TTN: variants seen among roughly 807,000 people sequenced by gnomAD.
TTN encodes titin.
A neutral mutation model predicts 3,223.0 loss-of-function variants in TTN; 1,525 were observed. The ratio of observed to expected loss-of-function variants is 0.47; its 90% CI spans 0.45 to 0.49. TTN has a LOEUF of 0.49. Ranked by LOEUF, TTN falls within the 20% of genes least tolerant of loss-of-function variation. The pLI is 0.00. For missense variants in TTN, 40,786 were observed against 43,424.0 expected, an observed-to-expected ratio of 0.94 and a Z score of 5.40; for synonymous variants, 14,094 against 15,161.0, an observed-to-expected ratio of 0.93 and a Z score of 5.17.
rs773886758 is a variant in TTN at position 178,573,226 on chromosome 2, A to T, written c.72906T>A (p.Ala24302=). 117 of 1,606,810 alleles carry T rather than the reference A, an allele frequency of 7.3e-5. 2 individuals are homozygous for T. In the Admixed American group the frequency reaches 1.9e-3, roughly 27 times the overall value. The stretch of plus-strand genomic sequence containing the variant: ...TAGGACTTGGTGCACTAATTCCAGC[A>T]GCATTTTCAGCCATAATCCTGAACT... ...EYEFRIMAEN[A]AGISAPSPTS... Residue 24302 remains alanine (A), a synonymous_variant, in exon 326 of 363, where the codon GCT becomes GCA. Coordinates refer to ENST00000589042, the MANE Select transcript of TTN (RefSeq NM_001267550.2).
chr2:178,707,076 T>G, intron 100 of TTN, 122 bp from the exon 101 acceptor site: 1 of 807,458 alleles, frequency 1.2e-6, no homozygotes, highest in Non-Finnish European at 1.9e-6. Flanking sequence ...AGAATTCTCT[T>G]TCTATGTAAG....
Position 178,713,104 on chromosome 2 carries a change from A to T in TTN, c.27030T>A (p.Ser9010Arg), listed in dbSNP as rs774115714. Residue 9010 changes from serine (S) to arginine (R), a missense_variant, in exon 93 of 363, where the codon AGT becomes AGA. Physicochemically the swap from Ser to Arg is moderately radical, Grantham distance 110. Transcript: ENST00000589042. ...ACTGACCTCTCACAGTCAAAGGAGC[A>T]CTACATTCATCAGAACCAGCCATAT... ...ATNMAGSDEC[S>R]APLTVREPPS... 2.5e-6 allele frequency: 4 copies of T among 1,613,584 alleles called. No homozygotes were observed. The highest frequency in any genetic ancestry group is 3.4e-6 in the Non-Finnish European group (4 of 1,179,612).
chr2:178,536,729 T>A (rs1276998511), intron 356 of TTN, 154 bp from the exon 357 acceptor site: 1 of 824,362 alleles, frequency 1.2e-6, no homozygotes, highest in Non-Finnish European at 1.8e-6. Context: ...CTAAGACATA[T>A]CAAAAACCAA....
Position 178,582,128 on chromosome 2 carries a change from C to T in TTN, c.66241G>A (p.Asp22081Asn). ...HMTVSWKPPA[D>N]DGGSPITGYL... Reference sequence around the variant, plus strand: ...CCAGTGATGGGTGAGCCCCCATCATCTGCTGGTGGCTTCCAGCTGACTGTC... The same window carrying T: ...CCAGTGATGGGTGAGCCCCCATCATTTGCTGGTGGCTTCCAGCTGACTGTC... Residue 22081 changes from aspartate to asparagine, a missense_variant, in exon 315 of 363, where the codon GAT becomes AAT. Transcript: ENST00000589042. 1 of 1,612,818 alleles carries T rather than the reference C, an allele frequency of 6.2e-7. No homozygotes were observed. Among genetic ancestry groups the T allele is most frequent in the Non-Finnish European group, 8.5e-7 (1 of 1,179,526 alleles).
intron 102 of TTN, among the ~76,000 whole-genome samples, chr2:178,705,773 GT>G (rs2075768380): frequency 6.6e-6 from 1 of 152,126 alleles, no homozygotes; most frequent in Admixed American, 6.6e-5. Flanking sequence ...TAATAATTAT[GT>G]TGAAAAATGA....
Position 178,633,723 on chromosome 2 carries a change from G to T in TTN, c.42683-47C>A, listed in dbSNP as rs762093231. 6.2e-5 allele frequency: 99 copies of T among 1,605,874 alleles called. 3 individuals carry two copies. The South Asian group carries it at 1.1e-3, about 17-fold the overall frequency. ...AAATTAGAAGAATGTGAAAATTAAAGTTTATTAAAGAGTAAAAGGTTGCAA... is the reference window on the plus strand; with the variant it reads ...AAATTAGAAGAATGTGAAAATTAAATTTTATTAAAGAGTAAAAGGTTGCAA... On this transcript the variant is annotated intron_variant, in intron 231 of 362. Coordinates refer to ENST00000589042, the MANE Select transcript of TTN (RefSeq NM_001267550.2).
intron 361 of TTN, 57 bp downstream of exon 361, chr2:178,528,217 A>AAAAAAACGATCT (rs1687358066): frequency 1.3e-6 from 2 of 1,542,102 alleles, no homozygotes; most frequent in African/African-American, 2.8e-5. Flanking sequence ...AAAGAGAGGC[A>AAAAAAACGATCT]AAAAAACGAT....
chr2:178,669,709 A>G (rs2066630929), intron 157 of TTN, 34 bp from the exon 158 acceptor site: 5 of 1,600,884 alleles, frequency 3.1e-6, no homozygotes, highest in African/African-American at 1.3e-5. Flanking sequence ...ATTTTTTCAG[A>G]ACATTATAGT....
rs1192471071 is a variant in TTN, at chr2:178,713,282, C to T, written c.26852G>A (p.Gly8951Glu). Residue 8951 changes from glycine to glutamate, a missense_variant, in exon 93 of 363, where the codon GGG (glycine) becomes GAG (glutamate). By Grantham distance (98) the Gly-to-Glu change is moderately conservative. Transcript: ENST00000589042. Reference protein sequence around the residue: ...SSVVMECKVYGSPPISVSWFH... With the variant: ...SSVVMECKVYESPPISVSWFH... ...CCAGGAGACAGAGATTGGAGGTGAC[C>T]CATAGACTTTACACTCCATTACAAC... 3.1e-6 allele frequency: 5 copies of T among 1,607,784 alleles called. No homozygotes were observed. The South Asian group carries it at 5.6e-5, about 18-fold the overall frequency.
At chr2:178,529,882 T>C (rs1688286555) in intron 359 of TTN, 78 bp downstream of exon 359, 2 of 1,436,652 alleles carry the variant, frequency 1.4e-6, no homozygotes, top group South Asian at 1.3e-5. Flanking sequence ...TGTATGTGTA[T>C]ATAAGGGGGG....
At position 178,724,032 on chromosome 2, in the gene TTN, G is replaced by A. The variant is rs374625641; in HGVS notation, c.21227C>T (p.Ala7076Val). The change falls in exon 73 of 363, where the codon GCC (alanine) becomes GTC (valine). Residue 7076 changes from alanine (A) to valine (V), a missense_variant. Coordinates refer to ENST00000589042, the MANE Select transcript of TTN (RefSeq NM_001267550.2). ...AATCTTGGTTTTCTCATGAAACCAG[G>A]CAACTGAAATAGGTGATGATCCAGC... is the stretch of plus-strand genomic sequence containing the variant. ...KVAGSSPISV[A>V]WFHEKTKIVS... 2.0e-5 allele frequency: 33 copies of A among 1,613,544 alleles called. No homozygotes were observed. Among genetic ancestry groups the A allele is most frequent in the Non-Finnish European group, 2.5e-5 (30 of 1,179,636 alleles).
At position 178,573,896 on chromosome 2, in the gene TTN, T is replaced by C. The variant is rs775482499; in HGVS notation, c.72236A>G (p.Lys24079Arg). The C allele has an allele frequency of 1.6e-5, 25 of 1,611,308 alleles. No individual in the cohort carries two copies. In the South Asian group the frequency reaches 2.7e-4, roughly 18 times the overall value. Reference protein sequence around the residue: ...ELEGTAKLEIKIADFSTNLVN... With the variant: ...ELEGTAKLEIRIADFSTNLVN... ...CAGATTAGTAGAGAAATCTGCAATT[T>C]TTATTTCTAACTTTGCTGTGCCTTC... The change falls in exon 326 of 363, where the codon AAA becomes AGA. Residue 24079 changes from lysine to arginine, a missense_variant. Lys to Arg is a conservative substitution (Grantham distance 26). Coordinates refer to ENST00000589042, the MANE Select transcript of TTN (RefSeq NM_001267550.2).
intron 235 of TTN, 24 bp downstream of exon 235, chr2:178,632,502 G>A: frequency 6.2e-7 from 1 of 1,607,136 alleles, no homozygotes; most frequent in Non-Finnish European, 8.5e-7. Context: ...ATTTTGGGGT[G>A]GACTATTTGA....
chr2:178,562,172 T>C lies in TTN; in HGVS notation c.83960A>G (p.Lys27987Arg). The change falls in exon 326 of 363, where the codon AAA becomes AGA. Residue 27987 changes from lysine (K) to arginine (R), a missense_variant. Transcript: ENST00000589042. ...REQLKIDVPF[K>R]GRPQATVNWR... ...GTTCACAGTAGCTTGAGGTCTTCCT[T>C]TGAATGGCACATCAATCTTAAGTTG... The C allele has an allele frequency of 6.2e-7, 1 of 1,613,166 alleles. No homozygotes were observed.
At chr2:178,757,231 T>TACTGTACTTACTTTAAGTA (rs1252574568) in intron 45 of TTN, among the ~76,000 whole-genome samples, 231 of 148,850 alleles carry the variant, frequency 1.6e-3, no homozygotes, top group Admixed American at 3.5e-3. Flanking sequence ...TAAGTAATAA[T>TACTGTACTTACTTTAAGTA]CAGCAAATAG....
rs753099769 is a variant in TTN, at chr2:178,634,511, A to G, written c.42270T>C (p.Asp14090=). ...CAAATTTGTCAGATGACTTAATTATATCAGGTCCTTTGGACCATATAACAT... is the reference window on the plus strand; with the variant it reads ...CAAATTTGTCAGATGACTTAATTATGTCAGGTCCTTTGGACCATATAACAT... ...EANVIWSKGP[D]IIKSSDKFDI... Residue 14090 remains aspartate (D), a synonymous_variant, in exon 230 of 363, where the codon GAT becomes GAC. Transcript: ENST00000589042. The surrounding 1 kb of genome is among the most constrained non-coding windows in gnomAD (Gnocchi z 4.6). 6.2e-6 allele frequency: 10 copies of G among 1,613,316 alleles called. No homozygotes were observed. In the South Asian group the frequency reaches 9.9e-5, roughly 16 times the overall value.
intron 223 of TTN, among the ~76,000 whole-genome samples, chr2:178,637,731 A>G (rs564353397): frequency 1.3e-5 from 2 of 152,142 alleles, no homozygotes; most frequent in South Asian, 4.2e-4. Context: ...AGCTGTGCAA[A>G]ATATTTTATA....
At chr2:178,536,661 A>G in intron 356 of TTN, 86 bp from the exon 357 acceptor site, 1 of 1,189,446 alleles carries the variant, frequency 8.4e-7, no homozygotes, top group Non-Finnish European at 1.1e-6. Context: ...ATGTTATATG[A>G]GTCCAAAATT....
At chr2:178,592,741 T>C (rs1328942842) in intron 300 of TTN, 34 bp downstream of exon 300, 1 of 1,612,530 alleles carries the variant, frequency 6.2e-7, no homozygotes, top group Non-Finnish European at 8.5e-7. Context: ...ACATCTATTT[T>C]CCTTGCAAAC....
Sources: gnomAD v4.1 joint callset for allele counts (sites outside exome capture counted in the v4.1 genomes callset) on GRCh38, gnomAD v4.1.1 for gene constraint, Gnocchi (gnomAD v3.1) non-coding constraint, MANE v1.5 for transcripts, NCBI Gene and HGNC (gene_info 2026-07-23, HGNC 2026-07-21) for gene names.